The following ZFHX3 variants were observed in gnomAD, a reference collection of about 807,000 sequenced individuals.
The protein encoded by ZFHX3 is zinc finger homeobox 3, also known as zinc finger homeobox protein 3.
ZFHX3 carries 42 observed loss-of-function variants against 279.1 expected under a neutral mutation model. That is an observed-to-expected ratio of 0.15 (90% CI 0.12 to 0.19). ZFHX3 has a LOEUF of 0.19. Among genes scored for constraint, ZFHX3 ranks in the 10% least tolerant of loss-of-function variants. The pLI is 1.00. For synonymous variants in ZFHX3, 2,293 were observed against 1,957.8 expected, an observed-to-expected ratio of 1.17 and a Z score of -4.52; for missense variants, 4,981 against 4,754.0, an observed-to-expected ratio of 1.05 and a Z score of -1.40.
At chr16:73,048,946 T>A (rs375284714), upstream of ZFHX3, among the ~76,000 whole-genome samples, 243 of 152,298 alleles carry the variant, frequency 1.6e-3, 1 homozygote, top group African/African-American at 5.1e-3. Flanking sequence ...TAGCCTCACC[T>A]TATAAAGCCA....
chr16:73,337,778 C>T (rs906609152), intron 3 of ZFHX3, among the ~76,000 whole-genome samples: 2 of 151,338 alleles, frequency 1.3e-5, no homozygotes, highest in African/African-American at 2.4e-5. Flanking sequence ...TCACCAGCAA[C>T]GTCATCACTT....
chr16:73,143,878 G>T, intron 5 of ZFHX3: 1 of 839,760 alleles, frequency 1.2e-6, no homozygotes, highest in Non-Finnish European at 1.7e-6. Context: ...GAGATGTTTG[G>T]CAAACCTTCG....
chr16:73,519,059 A>G lies in ZFHX3; in HGVS notation c.-1546-62801T>C, dbSNP rs1472147756. On this transcript the variant is annotated intron_variant, in intron 2 of 17. Transcript: ENST00000641206. ...CATTTAAGTAAGCAGATAGATGTAA[A>G]CATTTCCAAGCTCATCAACTTCTCG... is the stretch of plus-strand genomic sequence containing the variant. 3.3e-5 allele frequency among the ~76,000 whole-genome samples: 5 copies of G among 152,188 alleles called. No homozygotes were observed. The East Asian group carries it at 5.8e-4, about 18-fold the overall frequency.
At chr16:72,938,089 C>T (rs966518715) in intron 3 of ZFHX3, among the ~76,000 whole-genome samples, 7 of 152,226 alleles carry the variant, frequency 4.6e-5, no homozygotes, top group East Asian at 3.8e-4. Context: ...TAGCACATGA[C>T]GCAGAGACCA....
At chr16:73,109,054 G>A (rs550770065) in intron 7 of ZFHX3, among the ~76,000 whole-genome samples, 1 of 152,342 alleles carries the variant, frequency 6.6e-6, no homozygotes, top group East Asian at 1.9e-4. Context: ...GCTCTTCAGA[G>A]GGGACCCTCC....
At chr16:73,209,939 A>G (rs1314202112) in intron 5 of ZFHX3, among the ~76,000 whole-genome samples, 2 of 152,188 alleles carry the variant, frequency 1.3e-5, no homozygotes, top group South Asian at 2.1e-4. Context: ...TGGGTCCCCA[A>G]AAAGCTATAC....
intron 1 of ZFHX3, among the ~76,000 whole-genome samples, chr16:72,967,299 T>C (rs1414108041): frequency 6.6e-6 from 1 of 152,152 alleles, no homozygotes; most frequent in Non-Finnish European, 1.5e-5. Flanking sequence ...CATCTACTTG[T>C]GCTCAAAGAA....
Position 73,290,054 on chromosome 16 carries a change from T to C in ZFHX3, c.-1194+28186A>G, listed in dbSNP as rs759032020. Among the ~76,000 whole-genome samples the C allele has an allele frequency of 3.3e-3, 489 of 149,776 alleles. 2 individuals carry two copies. The highest frequency in any genetic ancestry group is 4.9e-3 in the Non-Finnish European group (330 of 67,326). ...ACACACACACACACACACACACATA[T>C]AGACATTTATATACGAACTAAGAAC... On this transcript the variant is annotated intron_variant, in intron 4 of 17. Transcript: ENST00000641206.
chr16:73,470,242 C>T (rs1174370444), intron 2 of ZFHX3, among the ~76,000 whole-genome samples: 1 of 152,172 alleles, frequency 6.6e-6, no homozygotes, highest in Non-Finnish European at 1.5e-5. Context: ...TTCACGGGGG[C>T]TTCAACGCAT....
At chr16:73,108,627 A>G (rs1393550004) in intron 7 of ZFHX3, among the ~76,000 whole-genome samples, 1 of 152,086 alleles carries the variant, frequency 6.6e-6, no homozygotes, top group Non-Finnish European at 1.5e-5. Context: ...CCGGTCCTGG[A>G]GCACACCCAC....
chr16:72,823,529 T>C (rs1254211234), intron 5 of ZFHX3, among the ~76,000 whole-genome samples: 2 of 152,210 alleles, frequency 1.3e-5, no homozygotes, highest in African/African-American at 2.4e-5. Flanking sequence ...GGTAAGGGCA[T>C]ATGGTGCTCA....
intron 1 of ZFHX3, among the ~76,000 whole-genome samples, chr16:73,738,896 T>C (rs2053630420): frequency 6.6e-6 from 1 of 152,104 alleles, no homozygotes; most frequent in Admixed American, 6.5e-5. Flanking sequence ...AATCAGGGTA[T>C]TTCTCCCCCT....
intron 7 of ZFHX3, among the ~76,000 whole-genome samples, chr16:73,107,649 T>G (rs1404994088): frequency 9.9e-5 from 15 of 152,210 alleles, no homozygotes; most frequent in Admixed American, 9.8e-4. Flanking sequence ...ATTCCCATGC[T>G]GTGAGCATCT....
intron 2 of ZFHX3, among the ~76,000 whole-genome samples, chr16:72,952,219 A>T (rs1183600125): frequency 6.6e-6 from 1 of 152,190 alleles, no homozygotes; most frequent in Non-Finnish European, 1.5e-5. Flanking sequence ...AGCCCTGGTG[A>T]CAGAGCAGGA....
chr16:73,106,239 G>T (rs774193250), intron 7 of ZFHX3, among the ~76,000 whole-genome samples: 3 of 151,942 alleles, frequency 2.0e-5, no homozygotes, highest in Non-Finnish European at 4.4e-5. Flanking sequence ...CCACTGCTGG[G>T]TCCTAGGTGG....
chr16:73,219,658 A>G (rs2012342609), intron 5 of ZFHX3, among the ~76,000 whole-genome samples: 1 of 152,242 alleles, frequency 6.6e-6, no homozygotes, highest in African/African-American at 2.4e-5. Flanking sequence ...GGATTGGCCT[A>G]CAGGCAGTGA....
intron 5 of ZFHX3, among the ~76,000 whole-genome samples, chr16:73,205,486 G>A (rs1280494636): frequency 2.0e-5 from 3 of 152,122 alleles, no homozygotes; most frequent in African/African-American, 4.8e-5. Context: ...AATAGGAAGC[G>A]AGCAATTGGC....
At chr16:72,923,094 T>C (rs143028203) in intron 3 of ZFHX3, among the ~76,000 whole-genome samples, 5 of 152,194 alleles carry the variant, frequency 3.3e-5, no homozygotes, top group African/African-American at 1.2e-4. Context: ...TATGTATATG[T>C]TGTGTACATA....
intron 3 of ZFHX3, among the ~76,000 whole-genome samples, chr16:73,446,518 G>C (rs1373171583): frequency 6.6e-6 from 1 of 152,144 alleles, no homozygotes; most frequent in African/African-American, 2.4e-5. Context: ...TCTCCCACAA[G>C]GTCCCTCCCC....
Sources: allele counts gnomAD v4.1 joint callset (sites outside exome capture counted in the v4.1 genomes callset), GRCh38; gene constraint gnomAD v4.1.1; transcripts MANE v1.5; gene names NCBI Gene and HGNC (gene_info 2026-07-23, HGNC 2026-07-21).